Variants in CEP63 observed in about 807,000 individuals in gnomAD.
CEP63 encodes the protein centrosomal protein 63.
A neutral mutation model predicts 89.1 loss-of-function variants in CEP63; 84 were observed. The ratio of observed to expected loss-of-function variants is 0.94; its 90% confidence interval spans 0.79 to 1.13. CEP63 has a LOEUF of 1.13. CEP63 is among the 50% of genes most tolerant of loss of function. The pLI is 0.00. For missense variants in CEP63, 838 were observed against 813.3 expected, an observed-to-expected ratio of 1.03 and a Z score of -0.37; for synonymous variants, 267 against 272.5, an observed-to-expected ratio of 0.98 and a Z score of 0.20.
At chr3:134,728,110 A>C in the CEP63 span, among the ~76,000 whole-genome samples, 284 of 152,334 alleles carry the variant, frequency 1.9e-3, 3 homozygotes, top group African/African-American at 6.5e-3. Flanking sequence ...ATTTGAAAAC[A>C]TGTTTAACCT....
chr3:134,545,459 T>C lies in CEP63; in HGVS notation c.556-127T>C. 1.0e-5 allele frequency: 5 copies of C among 479,026 alleles called. No individual in the cohort carries two copies. The South Asian group carries it at 1.1e-4, about 11-fold the overall frequency. 29.7% of individuals were successfully genotyped at this position (479,026 alleles called of 1,614,324 possible). A position where few individuals can be genotyped will look rare whatever the true frequency, so the allele number is the denominator to read the frequency against. On this transcript the variant is annotated intron_variant, in intron 6 of 14. Transcript: ENST00000675561. Reference sequence around the variant, plus strand: ...AATTCTTTCTTACCCCTTCGCAATATATATATATATATTTTAGTGAGCCAA... The same window carrying C: ...AATTCTTTCTTACCCCTTCGCAATACATATATATATATTTTAGTGAGCCAA...
chr3:134,542,728 A>C (rs1324559231), intron 6 of CEP63, among the ~76,000 whole-genome samples: 5 of 151,636 alleles, frequency 3.3e-5, no homozygotes, highest in Non-Finnish European at 7.4e-5. Context: ...TTTCTTCTCC[A>C]CTCTCTTTCA....
the CEP63 span, among the ~76,000 whole-genome samples, chr3:134,730,683 A>G: frequency 6.6e-6 from 1 of 152,110 alleles, no homozygotes; most frequent in Non-Finnish European, 1.5e-5. Flanking sequence ...AAACTTAAAA[A>G]AATGAAAATA....
At chr3:134,728,842 C>T in the CEP63 span, among the ~76,000 whole-genome samples, 2 of 151,930 alleles carry the variant, frequency 1.3e-5, no homozygotes, top group Admixed American at 6.6e-5. Flanking sequence ...TTCTTTTTTC[C>T]TGAAACTTTC....
At chr3:134,523,001 A>G (rs1947820875) in intron 3 of CEP63, among the ~76,000 whole-genome samples, 1 of 152,180 alleles carries the variant, frequency 6.6e-6, no homozygotes, top group Non-Finnish European at 1.5e-5. Flanking sequence ...TGGTTAAACT[A>G]ATTTACACTT....
the CEP63 span, among the ~76,000 whole-genome samples, chr3:134,687,411 G>A: frequency 2.0e-4 from 30 of 152,334 alleles, no homozygotes; most frequent in South Asian, 5.4e-3. Context: ...CTGGATGAAC[G>A]TGCAGCTTAT....
At chr3:134,715,812 C>G in the CEP63 span, among the ~76,000 whole-genome samples, 6 of 152,190 alleles carry the variant, frequency 3.9e-5, no homozygotes, top group South Asian at 4.1e-4. Context: ...ACACCAGAAC[C>G]CTTTGTTCAA....
At chr3:134,632,648 GA>G in the CEP63 span, among the ~76,000 whole-genome samples, 1 of 151,592 alleles carries the variant, frequency 6.6e-6, no homozygotes, top group Non-Finnish European at 1.5e-5. Flanking sequence ...TCTTATTACA[GA>G]AAAAAGAAAG....
chr3:134,588,024 G>A (rs115129618), downstream of CEP63, among the ~76,000 whole-genome samples: 3 of 152,126 alleles, frequency 2.0e-5, no homozygotes, highest in African/African-American at 7.2e-5. Context: ...GCTGAGCATG[G>A]TGATGACGTC....
intron 4 of CEP63, 44 bp downstream of exon 4, chr3:134,531,984 T>C (rs1577114343): frequency 7.3e-7 from 1 of 1,362,006 alleles, no homozygotes; most frequent in Non-Finnish European, 1.0e-6. Flanking sequence ...TAGTTCTCTC[T>C]CTTTCACCCT....
the CEP63 span, chr3:134,625,166 T>A: frequency 1.3e-6 from 2 of 1,553,682 alleles, no homozygotes; most frequent in Non-Finnish European, 8.8e-7. Flanking sequence ...GGTCAGCAGC[T>A]GAGACCCACT....
chr3:134,512,577 T>C (rs1378604359), intron 3 of CEP63, among the ~76,000 whole-genome samples: 2 of 152,198 alleles, frequency 1.3e-5, no homozygotes, highest in Admixed American at 6.5e-5. Context: ...ATAGTAATCT[T>C]CCCCACCCCT....
chr3:134,619,218 G>A, the CEP63 span: 49 of 1,614,008 alleles, frequency 3.0e-5, no homozygotes, highest in African/African-American at 6.5e-4. Context: ...ATGTCAGTGG[G>A]TTTGAAGGCT....
intron 9 of CEP63, among the ~76,000 whole-genome samples, chr3:134,548,209 A>T (rs574836738): frequency 1.4e-4 from 22 of 152,314 alleles, no homozygotes; most frequent in African/African-American, 4.6e-4. Flanking sequence ...CTTCTCTTTA[A>T]GACCAAATTC....
rs920304041 is a variant in CEP63, at chr3:134,563,433, T to G, written c.*1898T>G. 3 of 152,126 alleles carry G rather than the reference T, an allele frequency of 2.0e-5. No homozygotes were observed. The East Asian group carries it at 5.8e-4, about 29-fold the overall frequency. The allele number at this position is 152,126 out of a possible 1,614,324, so 9.4% of individuals were successfully genotyped here. A position where few individuals can be genotyped will look rare whatever the true frequency, so the allele number is the denominator to read the frequency against. On this transcript the variant is annotated 3_prime_UTR_variant, in exon 15 of 15. Coordinates refer to ENST00000675561, the MANE Select transcript of CEP63 (RefSeq NM_001353108.3). ...GACTCTTCCAAGGCTTCTCTTTTTT[T>G]TTTTATTGAGACAGAGTCTCACTCT...
chr3:134,532,263 G>A (rs1949993693), intron 4 of CEP63, among the ~76,000 whole-genome samples: 1 of 152,132 alleles, frequency 6.6e-6, no homozygotes, highest in Non-Finnish European at 1.5e-5. Flanking sequence ...TCAGTTACTA[G>A]ATTATAAATA....
chr3:134,677,401 C>T, the CEP63 span, among the ~76,000 whole-genome samples: 1 of 152,212 alleles, frequency 6.6e-6, no homozygotes, highest in Non-Finnish European at 1.5e-5. Flanking sequence ...GGTCCTGCCC[C>T]ACACTGCGCG....
downstream of CEP63, among the ~76,000 whole-genome samples, chr3:134,591,441 C>A (rs1046241099): frequency 2.6e-5 from 4 of 152,174 alleles, no homozygotes; most frequent in Admixed American, 2.6e-4. Context: ...CAGATTCTGG[C>A]GCAAGCTAGG....
At chr3:134,751,271 T>G in the CEP63 span, among the ~76,000 whole-genome samples, 1 of 152,374 alleles carries the variant, frequency 6.6e-6, no homozygotes, top group South Asian at 2.1e-4. Flanking sequence ...ATACCACTTT[T>G]CATTTATCCA....
Sources: gnomAD v4.1 joint callset for allele counts (sites outside exome capture counted in the v4.1 genomes callset) on GRCh38, gnomAD v4.1.1 for gene constraint, MANE v1.5 for transcripts, NCBI Gene and HGNC (gene_info 2026-07-23, HGNC 2026-07-21) for gene names.